Variants in PTPRD observed in about 807,000 individuals in gnomAD.
PTPRD encodes the protein protein tyrosine phosphatase receptor type D.
PTPRD carries 34 observed loss-of-function variants against 214.5 expected under a neutral mutation model. That is an observed-to-expected ratio of 0.16 (90% CI 0.12 to 0.21). PTPRD has a LOEUF of 0.21. Ranked by LOEUF, PTPRD falls within the 10% of genes least tolerant of loss-of-function variation. PTPRD has a pLI of 1.00. For missense variants in PTPRD, 2,545 were observed against 2,398.7 expected (o/e 1.06, Z -1.27); for synonymous variants, 1,128 against 845.7 (o/e 1.33, Z -5.79).
chr9:9,850,670 T>C (rs866552795), intron 5 of PTPRD, among the ~76,000 whole-genome samples: 4 of 152,166 alleles, frequency 2.6e-5, no homozygotes, highest in African/African-American at 9.6e-5. Context: ...CACATATTTG[T>C]TTTTTATTGT....
In PTPRD at chr9:8,598,239, G is replaced by A. The variant is rs113973753; in HGVS notation, c.352+35078C>T. ...GGCCGAGGAGGGCAGATCACCTGAGGTCAGGAGTTTGAGACCAGCCTGGCC... is the reference window on the plus strand; with the variant it reads ...GGCCGAGGAGGGCAGATCACCTGAGATCAGGAGTTTGAGACCAGCCTGGCC... On this transcript the variant is annotated intron_variant, in intron 14 of 45. Coordinates refer to ENST00000381196, the MANE Select transcript of PTPRD (RefSeq NM_002839.4). Among the ~76,000 whole-genome samples, 767 of 152,220 alleles carry A rather than the reference G, an allele frequency of 5.0e-3. 8 individuals are homozygous for A. Among genetic ancestry groups the A allele is most frequent in the African/African-American group, 0.016 (664 of 41,538 alleles).
intron 2 of PTPRD, among the ~76,000 whole-genome samples, chr9:10,483,998 T>C (rs1213245697): frequency 1.3e-5 from 2 of 152,230 alleles, no homozygotes; most frequent in East Asian, 1.9e-4. Flanking sequence ...AAATTCACAA[T>C]TGCAAAGATA....
chr9:8,446,866 G>A (rs958131893), intron 34 of PTPRD, among the ~76,000 whole-genome samples: 2 of 152,068 alleles, frequency 1.3e-5, no homozygotes, highest in African/African-American at 4.8e-5. Context: ...ACCACAAAAG[G>A]GTTACTGGGT....
intron 9 of PTPRD, among the ~76,000 whole-genome samples, chr9:9,267,246 G>A (rs1472937492): frequency 6.6e-6 from 1 of 151,138 alleles, no homozygotes; most frequent in African/African-American, 2.4e-5. Context: ...TTGGTATACA[G>A]AAATACAAAG....
intron 9 of PTPRD, among the ~76,000 whole-genome samples, chr9:9,350,610 T>C (rs2050740937): frequency 2.0e-5 from 3 of 152,104 alleles, no homozygotes; most frequent in African/African-American, 7.2e-5. Flanking sequence ...TAAATATCTT[T>C]GGTGATGTAG....
intron 14 of PTPRD, among the ~76,000 whole-genome samples, chr9:8,601,215 C>A (rs2094839133): frequency 6.6e-6 from 1 of 152,106 alleles, no homozygotes; most frequent in Non-Finnish European, 1.5e-5. Flanking sequence ...TATTGCCAGC[C>A]CAGCCACAGC....
In PTPRD at chr9:8,675,002, T is replaced by C. The variant is rs530164050; in HGVS notation, c.65-38158A>G. Among the ~76,000 whole-genome samples, 13 of 152,274 alleles carry C rather than the reference T, an allele frequency of 8.5e-5. 1 individual carries two copies. In the South Asian group the frequency reaches 2.3e-3, roughly 27 times the overall value. ...AATTACAAAAGAAATAACCAGGGTA[T>C]ATTTTTTTTTCCTTTTAAGTTTTCT... On this transcript the variant is annotated intron_variant, in intron 12 of 45. Coordinates refer to ENST00000381196, the MANE Select transcript of PTPRD (RefSeq NM_002839.4).
At chr9:10,363,786 G>C (rs940156357) in intron 2 of PTPRD, among the ~76,000 whole-genome samples, 3 of 151,936 alleles carry the variant, frequency 2.0e-5, no homozygotes, top group Non-Finnish European at 2.9e-5. Context: ...CAATGAAAAG[G>C]TCAGGCTTGA....
At chr9:8,941,656 A>C (rs10977381) in intron 11 of PTPRD, among the ~76,000 whole-genome samples, 64,230 of 151,806 alleles carry the variant, frequency 0.42, 14,466 homozygotes, top group East Asian at 0.76. Context: ...ATATTTCACA[A>C]AGTTAAAACA....
At chr9:9,645,163 C>G (rs1055297044) in intron 7 of PTPRD, among the ~76,000 whole-genome samples, 1 of 152,216 alleles carries the variant, frequency 6.6e-6, no homozygotes, top group Non-Finnish European at 1.5e-5. Flanking sequence ...CGTGCTTGCC[C>G]TCCAGGAAAG....
chr9:8,616,572 C>T (rs1370461322), intron 14 of PTPRD, among the ~76,000 whole-genome samples: 1 of 151,964 alleles, frequency 6.6e-6, no homozygotes, highest in Non-Finnish European at 1.5e-5. Flanking sequence ...CTGTGGTTAA[C>T]AGAATTTTTA....
intron 9 of PTPRD, among the ~76,000 whole-genome samples, chr9:9,292,921 C>G (rs999700121): frequency 6.6e-6 from 1 of 151,386 alleles, no homozygotes; most frequent in African/African-American, 2.4e-5. Flanking sequence ...AGTAAAGGGC[C>G]ATTCTAATCC....
chr9:10,262,242 T>G (rs543374990), intron 3 of PTPRD, among the ~76,000 whole-genome samples: 69 of 152,260 alleles, frequency 4.5e-4, no homozygotes, highest in African/African-American at 1.6e-3. Context: ...GAATAAACAA[T>G]ATTTTGAAAA....
chr9:9,330,812 C>A (rs1049958753), intron 9 of PTPRD, among the ~76,000 whole-genome samples: 7 of 150,988 alleles, frequency 4.6e-5, no homozygotes, highest in African/African-American at 1.5e-4. Flanking sequence ...TACTAATTCA[C>A]TTTTTTTCTA....
intron 6 of PTPRD, among the ~76,000 whole-genome samples, chr9:9,756,659 T>C (rs2098585457): frequency 6.6e-6 from 1 of 152,174 alleles, no homozygotes; most frequent in Non-Finnish European, 1.5e-5. Context: ...ATAGAGTTTG[T>C]GAATACATTG....
At chr9:10,188,536 T>C (rs1347147164) in intron 3 of PTPRD, among the ~76,000 whole-genome samples, 1 of 148,572 alleles carries the variant, frequency 6.7e-6, no homozygotes, top group Non-Finnish European at 1.5e-5. Flanking sequence ...TTTTTCAATA[T>C]TTTTTTTTCA....
At chr9:9,151,170 C>A (rs189579024) in intron 10 of PTPRD, among the ~76,000 whole-genome samples, 2 of 152,226 alleles carry the variant, frequency 1.3e-5, no homozygotes, top group African/African-American at 4.8e-5. Flanking sequence ...ACTTTTACCT[C>A]GGATCTCAAT....
intron 10 of PTPRD, among the ~76,000 whole-genome samples, chr9:9,045,511 C>T (rs1231092157): frequency 1.3e-5 from 2 of 152,118 alleles, no homozygotes; most frequent in Non-Finnish European, 2.9e-5. Flanking sequence ...TCTGCTATTT[C>T]ACCCAAACTT....
intron 11 of PTPRD, among the ~76,000 whole-genome samples, chr9:8,761,031 A>C (rs903545475): frequency 6.6e-6 from 1 of 152,236 alleles, no homozygotes; most frequent in African/African-American, 2.4e-5. Flanking sequence ...ATTTGGGGCA[A>C]GAAGGACACC....
Sources: allele counts gnomAD v4.1 joint callset (sites outside exome capture counted in the v4.1 genomes callset), GRCh38; gene constraint gnomAD v4.1.1; transcripts MANE v1.5; gene names NCBI Gene and HGNC (gene_info 2026-07-23, HGNC 2026-07-21).